Variants in SNRK observed in about 807,000 individuals in gnomAD.
The protein encoded by SNRK is SNF-related serine/threonine-protein kinase.
Under a neutral mutation model 48.2 loss-of-function variants are expected in SNRK, and 3 were observed. The ratio of observed to expected loss-of-function variants is 0.06; its 90% CI spans 0.03 to 0.16. SNRK has a LOEUF of 0.16. Among genes scored for constraint, SNRK ranks in the 10% least tolerant of loss-of-function variants. SNRK has a pLI of 1.00. For synonymous variants in SNRK, 376 were observed against 366.1 expected (o/e 1.03, Z -0.31); for missense variants, 627 against 976.0 (o/e 0.64, Z 4.76).
At chr3:43,320,976 G>T (rs1223895098) in intron 3 of SNRK, among the ~76,000 whole-genome samples, 4 of 147,598 alleles carry the variant, frequency 2.7e-5, no homozygotes, top group Non-Finnish European at 4.5e-5. Flanking sequence ...CCTTCATTTG[G>T]CTGAAACCCA....
intron 1 of SNRK, 35 bp downstream of exon 1, chr3:43,286,710 G>A (rs1368832828): frequency 3.4e-5 from 5 of 148,746 alleles, no homozygotes; most frequent in African/African-American, 1.2e-4. Context: ...GGGGCGCGGC[G>A]GCCGTAGGCA....
At chr3:43,302,140 A>G (rs1351626598) in intron 2 of SNRK, among the ~76,000 whole-genome samples, 2 of 152,246 alleles carry the variant, frequency 1.3e-5, no homozygotes, top group Non-Finnish European at 2.9e-5. Context: ...AACAATCATT[A>G]AAAATCAGCA....
Position 43,347,133 on chromosome 3 carries a change from G to A in SNRK, c.1080-206G>A, listed in dbSNP as rs560286035. 1.8e-5 allele frequency: 9 copies of A among 489,162 alleles called. No individual in the cohort carries two copies. The South Asian group carries it at 4.0e-4, about 22-fold the overall frequency. 30.3% of individuals were successfully genotyped at this position (489,162 alleles called of 1,614,324 possible). A position where few individuals can be genotyped will look rare whatever the true frequency, so the allele number is the denominator to read the frequency against. On this transcript the variant is annotated intron_variant, in intron 6 of 6. Transcript: ENST00000296088. The surrounding 1 kb of genome is among the most constrained non-coding windows in gnomAD (Gnocchi z 5.4). ...GATGAAGTTTTCACTTGGCCAATAA[G>A]CCACAAACTGAACCATGTTTCAAAA...
At chr3:43,331,658 TGGCCATG>T (rs1575553659) in intron 3 of SNRK, among the ~76,000 whole-genome samples, 1 of 152,336 alleles carries the variant, frequency 6.6e-6, no homozygotes, top group East Asian at 1.9e-4. Flanking sequence ...ACTATATTGA[TGGCCATG>T]TTTCTTTCCT....
intron 1 of SNRK, among the ~76,000 whole-genome samples, chr3:43,290,628 C>T (rs969970174): frequency 6.6e-6 from 1 of 152,202 alleles, no homozygotes; most frequent in Non-Finnish European, 1.5e-5. Flanking sequence ...TTTCAGTTGT[C>T]TGCTTACCTG....
chr3:43,287,267 G>C (rs2090773254), intron 1 of SNRK, among the ~76,000 whole-genome samples: 1 of 152,208 alleles, frequency 6.6e-6, no homozygotes, highest in Non-Finnish European at 1.5e-5. Flanking sequence ...AATTTTTGCA[G>C]ACTGGGAGAC....
At chr3:43,289,129 C>CTG (rs1559456674) in intron 1 of SNRK, among the ~76,000 whole-genome samples, 1 of 152,070 alleles carries the variant, frequency 6.6e-6, no homozygotes, top group Non-Finnish European at 1.5e-5. Flanking sequence ...AACAGATGAA[C>CTG]TGTGGTGAGG....
chr3:43,348,460 C>CTCT lies in SNRK; in HGVS notation c.2202_2204dup (p.Leu735dup). On this transcript the variant is annotated inframe_insertion, in exon 7 of 7. Transcript: ENST00000296088. ...CTGAAAAATAACGTGCTGCAGCTAC[C>CTCT]TCTGTGCGAAAAGACCATCTCTGTG... 6 of 1,610,046 alleles carry CTCT rather than the reference C, an allele frequency of 3.7e-6. No individual in the cohort carries two copies. The highest frequency in any genetic ancestry group is 5.1e-6 in the Non-Finnish European group (6 of 1,178,210).
chr3:43,305,191 A>G (rs1046769284), intron 3 of SNRK, among the ~76,000 whole-genome samples: 2 of 152,236 alleles, frequency 1.3e-5, no homozygotes, highest in African/African-American at 4.8e-5. Context: ...CTTATTTAGA[A>G]GACAGTTTGG....
At chr3:43,337,754 G>A (rs564956818) in intron 4 of SNRK, among the ~76,000 whole-genome samples, 2 of 152,274 alleles carry the variant, frequency 1.3e-5, no homozygotes, top group African/African-American at 4.8e-5. Context: ...AAGGCAGCAG[G>A]AAGGAAAAGG....
Position 43,348,135 on chromosome 3 carries a change from T to C in SNRK, c.1876T>C (p.Cys626Arg). 1.3e-6 allele frequency: 2 copies of C among 1,579,434 alleles called. No homozygotes were observed. Among genetic ancestry groups the C allele is most frequent in the Non-Finnish European group, 1.7e-6 (2 of 1,163,686 alleles). Residue 626 changes from cysteine to arginine, a missense_variant, in exon 7 of 7, where the codon TGT becomes CGT. Physicochemically the swap from Cys to Arg is radical, Grantham distance 180 (BLOSUM62 -3). Around this residue, in one of 4 missense-constraint regions of SNRK, gnomAD observed 207 missense variants for 234.3 expected, o/e 0.88. Transcript: ENST00000296088. The stretch of plus-strand genomic sequence containing the variant: ...CAATACATCGGGTACCACACGCCGC[T>C]GTGCCGGCCCCAGCAACTCCATGCA... ...PTNTSGTTRR[C>R]AGPSNSMQLA...
chr3:43,321,070 G>C (rs1200773860), intron 3 of SNRK, among the ~76,000 whole-genome samples: 1 of 151,932 alleles, frequency 6.6e-6, no homozygotes, highest in Non-Finnish European at 1.5e-5. Flanking sequence ...GTGAGGTGAG[G>C]TACCTTGCCC....
intron 3 of SNRK, among the ~76,000 whole-genome samples, chr3:43,328,946 A>G (rs540834040): frequency 1.3e-5 from 2 of 152,316 alleles, no homozygotes; most frequent in South Asian, 2.1e-4. Flanking sequence ...CCACCTTTGA[A>G]TGTTTTCTCT....
chr3:43,347,621 GGAC>G lies in SNRK; in HGVS notation c.1363_1365del (p.Asp455del). 6.2e-7 allele frequency: 1 copy of G among 1,613,956 alleles called. No individual in the cohort carries two copies. The highest frequency in any genetic ancestry group is 8.5e-7 in the Non-Finnish European group (1 of 1,180,030). The stretch of plus-strand genomic sequence containing the variant: ...AAGAAGATGAAGAGGAAGATGAGGA[GGAC>G]AAGAAACCCATGTCCCTCTCAACAC... On this transcript the variant is annotated inframe_deletion, in exon 7 of 7. Coordinates refer to ENST00000296088, the MANE Select transcript of SNRK (RefSeq NM_017719.5). The surrounding 1 kb of genome is among the most constrained non-coding windows in gnomAD (Gnocchi z 5.4).
At chr3:43,342,217 G>A (rs2091243049) in intron 5 of SNRK, among the ~76,000 whole-genome samples, 1 of 152,172 alleles carries the variant, frequency 6.6e-6, no homozygotes, top group African/African-American at 2.4e-5. Flanking sequence ...GGTGACTCCA[G>A]TTTGCCAGTT....
Position 43,348,440 on chromosome 3 carries a change from A to G in SNRK, c.2181A>G (p.Lys727=), listed in dbSNP as rs1478634863. 1 of 1,612,230 alleles carries G rather than the reference A, an allele frequency of 6.2e-7. No homozygotes were observed. Reference sequence around the variant, plus strand: ...AACGGATAAAGAGCAAGAACCTGAAAAATAACGTGCTGCAGCTACCTCTGT... The same window carrying G: ...AACGGATAAAGAGCAAGAACCTGAAGAATAACGTGCTGCAGCTACCTCTGT... ...ELERIKSKNL[K]NNVLQLPLCE... Residue 727 remains lysine, a synonymous_variant, in exon 7 of 7, where the codon AAA becomes AAG. Coordinates refer to ENST00000296088, the MANE Select transcript of SNRK (RefSeq NM_017719.5).
At chr3:43,328,595 G>C (rs1462520994) in intron 3 of SNRK, among the ~76,000 whole-genome samples, 6 of 152,052 alleles carry the variant, frequency 3.9e-5, no homozygotes, top group Non-Finnish European at 7.4e-5. Flanking sequence ...GGAGGAATAT[G>C]GTGGATAATT....
chr3:43,312,613 A>G (rs535723182), intron 3 of SNRK, among the ~76,000 whole-genome samples: 3 of 152,326 alleles, frequency 2.0e-5, no homozygotes, highest in South Asian at 4.1e-4. Flanking sequence ...CTTTTACTCA[A>G]CATAGTACTG....
chr3:43,296,506 T>C (rs961235835), intron 1 of SNRK, among the ~76,000 whole-genome samples: 5 of 150,498 alleles, frequency 3.3e-5, no homozygotes, highest in Non-Finnish European at 4.4e-5. Flanking sequence ...GGAAAACTTA[T>C]ATTCTAAATG....
Sources: gnomAD v4.1 joint callset for allele counts (sites outside exome capture counted in the v4.1 genomes callset) on GRCh38, gnomAD v4.1.1 for gene constraint, gnomAD v4.1.1 regional missense constraint, Gnocchi (gnomAD v3.1) non-coding constraint, MANE v1.5 for transcripts, NCBI Gene and HGNC (gene_info 2026-07-23, HGNC 2026-07-21) for gene names.